ZCCHC7: variants seen among roughly 807,000 people sequenced by gnomAD.
ZCCHC7 encodes zinc finger CCHC-type containing 7, also known as zinc finger CCHC domain-containing protein 7.
ZCCHC7 carries 35 observed loss-of-function variants against 52.0 expected under a neutral mutation model. That is an observed-to-expected ratio of 0.67 (90% CI 0.51 to 0.89). The LOEUF is 0.89. ZCCHC7 is among the 40% of genes least tolerant of loss of function. The probability of loss-of-function intolerance (pLI) is 0.00; values close to 1 mark genes in which losing one functional copy is unlikely to be tolerated. For missense variants in ZCCHC7, 574 were observed against 649.1 expected (o/e 0.88, Z 1.26); for synonymous variants, 217 against 221.5 (o/e 0.98, Z 0.18).
At chr9:37,344,457 C>G (rs1327101794) in intron 6 of ZCCHC7, among the ~76,000 whole-genome samples, 1 of 152,200 alleles carries the variant, frequency 6.6e-6, no homozygotes, top group Admixed American at 6.5e-5. Flanking sequence ...TCTTCCTTCA[C>G]CTACTCCACT....
rs1554723031 is a variant in ZCCHC7, at chr9:37,278,034, G to GTTTTGTTT, written c.611-24153_611-24152insTTTGTTTT. On this transcript the variant is annotated intron_variant, in intron 2 of 8. Transcript: ENST00000336755. ...TTTGTTTGTGTGTGTGTGTGTGTGT[G>GTTTTGTTT]TGTTTTGTTTTGTTTTGTTTTGTTT... 6.6e-4 allele frequency among the ~76,000 whole-genome samples: 95 copies of GTTTTGTTT among 142,948 alleles called. 2 individuals are homozygous for GTTTTGTTT. The South Asian group carries it at 0.017, about 26-fold the overall frequency. The allele number at this position is 142,948 out of a possible 152,430, so 93.8% of individuals were successfully genotyped here. A position where few individuals can be genotyped will look rare whatever the true frequency, so the allele number is the denominator to read the frequency against.
chr9:37,142,095 C>T (rs1843253111), intron 2 of ZCCHC7, among the ~76,000 whole-genome samples: 1 of 151,688 alleles, frequency 6.6e-6, no homozygotes, highest in African/African-American at 2.4e-5. Context: ...CATACAGTAA[C>T]ATTTAACTGA....
chr9:37,139,043 A>T (rs1219582078), intron 2 of ZCCHC7, among the ~76,000 whole-genome samples: 1 of 151,954 alleles, frequency 6.6e-6, no homozygotes. Context: ...CAGATAATTC[A>T]TATTCTGTAA....
intron 6 of ZCCHC7, among the ~76,000 whole-genome samples, chr9:37,342,287 G>A (rs966489395): frequency 5.3e-5 from 8 of 152,158 alleles, no homozygotes; most frequent in Non-Finnish European, 1.2e-4. Flanking sequence ...CAAAGTTGCC[G>A]ATGAGATGGG....
At chr9:37,147,487 G>C (rs568161613) in intron 2 of ZCCHC7, 3 of 151,714 alleles carry the variant, frequency 2.0e-5, no homozygotes, top group East Asian at 1.9e-4. Flanking sequence ...AAATAAGAGT[G>C]GGGGGAAAAA....
chr9:37,295,002 A>C (rs1828716934), intron 2 of ZCCHC7, among the ~76,000 whole-genome samples: 2 of 152,234 alleles, frequency 1.3e-5, no homozygotes, highest in South Asian at 4.1e-4. Context: ...AATTCAGTAA[A>C]TATGAATACC....
intron 2 of ZCCHC7, among the ~76,000 whole-genome samples, chr9:37,271,926 T>C (rs1223912829): frequency 1.3e-5 from 2 of 152,210 alleles, no homozygotes; most frequent in Non-Finnish European, 2.9e-5. Context: ...ATGTTTTGCT[T>C]AACAATAGTT....
chr9:37,133,975 T>A (rs1008126796), intron 2 of ZCCHC7, among the ~76,000 whole-genome samples: 4 of 152,202 alleles, frequency 2.6e-5, no homozygotes, highest in Non-Finnish European at 4.4e-5. Flanking sequence ...CCACCGGCCT[T>A]GGCCTCCCAA....
At chr9:37,244,063 G>A (rs1441211592) in intron 2 of ZCCHC7, among the ~76,000 whole-genome samples, 1 of 151,540 alleles carries the variant, frequency 6.6e-6, no homozygotes, top group Admixed American at 6.6e-5. Context: ...TTTTTGGTAT[G>A]TTTATTGTCT....
intron 6 of ZCCHC7, among the ~76,000 whole-genome samples, chr9:37,337,634 A>G (rs981270463): frequency 5.3e-5 from 8 of 152,136 alleles, no homozygotes; most frequent in African/African-American, 1.9e-4. Context: ...CTCATAGCAC[A>G]TTGCTTATTT....
intron 2 of ZCCHC7, among the ~76,000 whole-genome samples, chr9:37,276,592 C>T (rs1209230349): frequency 6.6e-6 from 1 of 152,162 alleles, no homozygotes; most frequent in Non-Finnish European, 1.5e-5. Flanking sequence ...TTGCCTTCCT[C>T]ATCATTTAGG....
chr9:37,322,812 C>A (rs1031258640), intron 5 of ZCCHC7, among the ~76,000 whole-genome samples: 5 of 151,866 alleles, frequency 3.3e-5, no homozygotes, highest in African/African-American at 9.7e-5. Context: ...AACTGAGTTT[C>A]TTCTAGGTTT....
chr9:37,322,848 T>C (rs1051318027), intron 5 of ZCCHC7, among the ~76,000 whole-genome samples: 72 of 152,076 alleles, frequency 4.7e-4, no homozygotes, highest in African/African-American at 1.6e-3. Flanking sequence ...TTGACCTTGG[T>C]ACAGTAGATT....
At chr9:37,280,570 G>C (rs1219013811) in intron 2 of ZCCHC7, among the ~76,000 whole-genome samples, 2 of 151,208 alleles carry the variant, frequency 1.3e-5, no homozygotes, top group East Asian at 3.9e-4. Flanking sequence ...CAAAAAATCT[G>C]GAAAGTTCTC....
intron 2 of ZCCHC7, chr9:37,160,137 A>T (rs943443395): frequency 5.9e-5 from 9 of 152,200 alleles, no homozygotes; most frequent in Admixed American, 3.9e-4. Context: ...GTTGCAGCTA[A>T]GCTGGTCCGG....
chr9:37,302,776 CTT>C (rs567020227), intron 3 of ZCCHC7, among the ~76,000 whole-genome samples: 127 of 152,312 alleles, frequency 8.3e-4, no homozygotes, highest in African/African-American at 2.8e-3. Flanking sequence ...TACAGTTCCT[CTT>C]TAGATATTCC....
chr9:37,357,078 CT>C lies in ZCCHC7; in HGVS notation c.1444del (p.Ser482LeufsTer69), dbSNP rs1340737408. The C allele has an allele frequency of 1.2e-6, 2 of 1,613,822 alleles. No individual in the cohort carries two copies. Among genetic ancestry groups the C allele is most frequent in the East Asian group, 2.2e-5 (1 of 44,850 alleles). On this transcript the variant is annotated frameshift_variant, in exon 9 of 9. Coordinates refer to ENST00000336755, the MANE Select transcript of ZCCHC7 (RefSeq NM_032226.3). LOFTEE classifies it low-confidence loss of function (END_TRUNC). ...TTTCCCAGGGGCCCCAAAACCTACT[CT>C]TCTCCTGGCAGTTTTAAAACCCAGA... ...EDFPRGPKTY[S>X]SPGSFKTQKP...
At chr9:37,318,315 A>G (rs1000731383) in intron 5 of ZCCHC7, among the ~76,000 whole-genome samples, 1 of 152,024 alleles carries the variant, frequency 6.6e-6, no homozygotes, top group Non-Finnish European at 1.5e-5. Flanking sequence ...TACAAAAATT[A>G]GCTGGGCATG....
At chr9:37,264,554 T>A (rs1055014427) in intron 2 of ZCCHC7, among the ~76,000 whole-genome samples, 1 of 152,192 alleles carries the variant, frequency 6.6e-6, no homozygotes, top group African/African-American at 2.4e-5. Context: ...AGAATTTAAA[T>A]AGTTAAATAT....
Sources: gnomAD v4.1 joint callset for allele counts (sites outside exome capture counted in the v4.1 genomes callset) on GRCh38, gnomAD v4.1.1 for gene constraint, MANE v1.5 for transcripts, NCBI Gene and HGNC (gene_info 2026-07-23, HGNC 2026-07-21) for gene names.